The following AMD1 variants were observed in gnomAD, a reference collection of about 807,000 sequenced individuals.
AMD1 encodes the protein adenosylmethionine decarboxylase 1.
In AMD1, 11 loss-of-function variants were observed where a neutral mutation model predicts 40.2. The observed-to-expected ratio is 0.27, with a 90% confidence interval of 0.17 to 0.45. AMD1 has a LOEUF of 0.45. Among genes scored for constraint, AMD1 ranks in the 20% least tolerant of loss-of-function variants. AMD1 has a pLI of 1.00. For synonymous variants in AMD1, 121 were observed against 130.8 expected (o/e 0.93, Z 0.51); for missense variants, 257 against 410.2 (o/e 0.63, Z 3.23).
At chr6:110,828,581 T>G in the AMD1 span, among the ~76,000 whole-genome samples, 1 of 152,230 alleles carries the variant, frequency 6.6e-6, no homozygotes, top group African/African-American at 2.4e-5. Context: ...AGAACTGAGC[T>G]GCAAATCTTG....
chr6:110,888,993 C>T lies in AMD1; in HGVS notation c.324+10C>T. On this transcript the variant is annotated intron_variant, in intron 3 of 8. Coordinates refer to ENST00000368885, the MANE Select transcript of AMD1 (RefSeq NM_001634.6). ...GTTTGACTCAATTCAAGTAAGTAAG[C>T]AAACATTTAAATATTTTTCAGGCAT... The T allele has an allele frequency of 6.2e-7, 1 of 1,609,118 alleles. No homozygotes were observed. The highest frequency in any genetic ancestry group is 8.5e-7 in the Non-Finnish European group (1 of 1,178,264).
chr6:110,861,870 T>C, the AMD1 span, among the ~76,000 whole-genome samples: 1 of 151,974 alleles, frequency 6.6e-6, no homozygotes, highest in Non-Finnish European at 1.5e-5. Flanking sequence ...AAAGATTAAA[T>C]AAAACAAAAT....
chr6:110,879,022 C>G (rs1161287169), intron 1 of AMD1, among the ~76,000 whole-genome samples: 1 of 152,152 alleles, frequency 6.6e-6, no homozygotes, highest in Non-Finnish European at 1.5e-5. Flanking sequence ...AGAAATGCTT[C>G]CTGCTAAAGA....
At chr6:110,836,342 T>C in the AMD1 span, among the ~76,000 whole-genome samples, 1 of 152,132 alleles carries the variant, frequency 6.6e-6, no homozygotes, top group Non-Finnish European at 1.5e-5. Flanking sequence ...TAAATAATAA[T>C]ATAACCTTTC....
the AMD1 span, among the ~76,000 whole-genome samples, chr6:110,860,337 T>C: frequency 6.6e-6 from 1 of 152,132 alleles, no homozygotes; most frequent in Non-Finnish European, 1.5e-5. Flanking sequence ...TATATATATA[T>C]CCTGAGAAAT....
At chr6:110,869,679 TTG>T in the AMD1 span, among the ~76,000 whole-genome samples, 1 of 150,668 alleles carries the variant, frequency 6.6e-6, no homozygotes, top group Non-Finnish European at 1.5e-5. Context: ...TCGGCTGACT[TTG>T]TATTTTTAGC....
intron 3 of AMD1, 168 bp from the exon 4 acceptor site, chr6:110,890,085 CT>C: frequency 1.9e-6 from 1 of 533,882 alleles, no homozygotes; most frequent in Middle Eastern, 5.1e-4. Context: ...ATCCTCCTGC[CT>C]CCTAATAGCG....
the AMD1 span, among the ~76,000 whole-genome samples, chr6:110,817,345 C>CA: frequency 6.6e-6 from 1 of 152,324 alleles, no homozygotes; most frequent in Non-Finnish European, 1.5e-5. Flanking sequence ...TGCAGTGGCT[C>CA]ACACCTGTAA....
At chr6:110,823,763 C>G in the AMD1 span, among the ~76,000 whole-genome samples, 80 of 152,258 alleles carry the variant, frequency 5.3e-4, no homozygotes, top group African/African-American at 1.9e-3. Flanking sequence ...AACTCAATCC[C>G]TTTTACAATA....
the AMD1 span, among the ~76,000 whole-genome samples, chr6:110,852,082 T>C: frequency 6.7e-6 from 1 of 149,220 alleles, no homozygotes; most frequent in Non-Finnish European, 1.5e-5. Flanking sequence ...AGAAAGAGTC[T>C]CTCTTTGTTA....
chr6:110,872,504 T>C (rs754333987), upstream of AMD1, among the ~76,000 whole-genome samples: 1 of 152,320 alleles, frequency 6.6e-6, no homozygotes, highest in Middle Eastern at 3.4e-3. Flanking sequence ...TCACTCTTGA[T>C]AGAAATGGGG....
At chr6:110,832,264 C>CAA in the AMD1 span, among the ~76,000 whole-genome samples, 1 of 152,044 alleles carries the variant, frequency 6.6e-6, no homozygotes, top group African/African-American at 2.4e-5. Flanking sequence ...TTTAGCCCCC[C>CAA]AAAGTGCTGG....
intron 4 of AMD1, 23 bp from the exon 5 acceptor site, chr6:110,892,138 T>A: frequency 6.2e-7 from 1 of 1,612,466 alleles, no homozygotes; most frequent in African/African-American, 1.3e-5. Context: ...TTATATTTAT[T>A]TTGCGTTCTC....
the AMD1 span, among the ~76,000 whole-genome samples, chr6:110,816,395 A>G: frequency 6.6e-6 from 1 of 152,220 alleles, no homozygotes; most frequent in African/African-American, 2.4e-5. Context: ...GTTGGGGCTC[A>G]GGACACACTA....
chr6:110,876,958 G>T (rs1785147266), intron 1 of AMD1, among the ~76,000 whole-genome samples: 1 of 152,228 alleles, frequency 6.6e-6, no homozygotes, highest in Admixed American at 6.5e-5. Flanking sequence ...TTCTCCCCAA[G>T]TTCTTGGCGG....
At chr6:110,847,578 C>T in the AMD1 span, among the ~76,000 whole-genome samples, 288 of 152,092 alleles carry the variant, frequency 1.9e-3, 2 homozygotes, top group African/African-American at 6.4e-3. Context: ...TGCTCTTAGG[C>T]TATTTAACTG....
the AMD1 span, among the ~76,000 whole-genome samples, chr6:110,819,637 G>T: frequency 6.6e-6 from 1 of 152,118 alleles, no homozygotes; most frequent in South Asian, 2.1e-4. Context: ...AGTACCTATG[G>T]GGGCATCAAG....
the AMD1 span, among the ~76,000 whole-genome samples, chr6:110,823,952 C>T: frequency 6.6e-6 from 1 of 152,086 alleles, no homozygotes; most frequent in African/African-American, 2.4e-5. Flanking sequence ...AAAGGGAATG[C>T]TTATACACTG....
the AMD1 span, among the ~76,000 whole-genome samples, chr6:110,852,055 TG>T: frequency 4.2e-5 from 6 of 141,362 alleles, no homozygotes; most frequent in East Asian, 3.0e-4. Context: ...GAGATTTTTT[TG>T]TTTTTTTTTT....
Sources: allele counts gnomAD v4.1 joint callset (sites outside exome capture counted in the v4.1 genomes callset), GRCh38; gene constraint gnomAD v4.1.1; transcripts MANE v1.5; gene names NCBI Gene and HGNC (gene_info 2026-07-23, HGNC 2026-07-21).